The following GSK3B variants were observed in gnomAD, a reference collection of about 807,000 sequenced individuals.
The protein encoded by GSK3B is glycogen synthase kinase 3 beta.
In GSK3B, 15 loss-of-function variants were observed where a neutral mutation model predicts 56.4. The observed-to-expected ratio is 0.27, with a 90% CI of 0.18 to 0.41. The LOEUF (loss-of-function observed/expected upper bound fraction) is 0.41, where lower values mean the gene tolerates loss of function less well. Ranked by LOEUF, GSK3B falls within the 10% of genes least tolerant of loss-of-function variation. The probability of loss-of-function intolerance (pLI) is 1.00; values close to 1 mark genes in which losing one functional copy is unlikely to be tolerated. For missense variants in GSK3B, 300 were observed against 513.4 expected (o/e 0.58, Z 4.02); for synonymous variants, 181 against 188.9 (o/e 0.96, Z 0.34).
At chr3:119,916,874 T>C (rs2056786272) in intron 4 of GSK3B, among the ~76,000 whole-genome samples, 1 of 152,202 alleles carries the variant, frequency 6.6e-6, no homozygotes, top group Admixed American at 6.5e-5. Context: ...AAGAGAAGAC[T>C]TTCTCAGTTT....
chr3:120,015,466 T>C (rs952057821), intron 1 of GSK3B, among the ~76,000 whole-genome samples: 2 of 151,398 alleles, frequency 1.3e-5, no homozygotes, highest in African/African-American at 4.9e-5. Flanking sequence ...CTGGCCAACA[T>C]GGTGAAACCC....
At chr3:119,899,028 T>C (rs2056600265) in intron 7 of GSK3B, among the ~76,000 whole-genome samples, 1 of 152,140 alleles carries the variant, frequency 6.6e-6, no homozygotes, top group East Asian at 1.9e-4. Context: ...CTACTAATGA[T>C]CTTCTGACTG....
At chr3:119,866,432 C>A (rs1338819835) in intron 8 of GSK3B, among the ~76,000 whole-genome samples, 1 of 152,068 alleles carries the variant, frequency 6.6e-6, no homozygotes, top group Non-Finnish European at 1.5e-5. Context: ...ATAAGTGAAA[C>A]CTATGCCATA....
chr3:119,893,054 T>C (rs991917752), intron 7 of GSK3B, among the ~76,000 whole-genome samples: 5 of 152,096 alleles, frequency 3.3e-5, no homozygotes, highest in African/African-American at 1.2e-4. Flanking sequence ...GTCAGCCTGG[T>C]TGGTGTGCGG....
chr3:119,859,320 T>TA (rs1161130899), intron 9 of GSK3B, among the ~76,000 whole-genome samples: 1 of 152,178 alleles, frequency 6.6e-6, no homozygotes, highest in Non-Finnish European at 1.5e-5. Context: ...TAAGGCAACT[T>TA]AGAAGAAAAT....
chr3:120,082,848 C>T (rs2058432906), intron 1 of GSK3B, among the ~76,000 whole-genome samples: 1 of 151,998 alleles, frequency 6.6e-6, no homozygotes, highest in African/African-American at 2.4e-5. Flanking sequence ...AAATATATTA[C>T]TAGAATTAAT....
At chr3:119,854,028 G>C (rs2055980160) in intron 9 of GSK3B, among the ~76,000 whole-genome samples, 1 of 151,670 alleles carries the variant, frequency 6.6e-6, no homozygotes, top group Non-Finnish European at 1.5e-5. Context: ...TCCAGTTTTT[G>C]CCCATTCAGT....
intron 1 of GSK3B, among the ~76,000 whole-genome samples, chr3:120,079,448 G>A (rs1247996251): frequency 1.3e-5 from 2 of 151,416 alleles, no homozygotes; most frequent in Non-Finnish European, 2.9e-5. Context: ...AGGCTGGAGC[G>A]CAGTAGTGCA....
rs191853414 is a variant in GSK3B, at chr3:119,863,674, A to G, written c.910-69T>C. 5.3e-6 allele frequency: 5 copies of G among 937,028 alleles called. No homozygotes were observed. In the Admixed American group the frequency reaches 6.6e-5, roughly 12 times the overall value. 58.0% of individuals were successfully genotyped at this position (937,028 alleles called of 1,614,324 possible). A position where few individuals can be genotyped will look rare whatever the true frequency, so the allele number is the denominator to read the frequency against. On this transcript the variant is annotated intron_variant, in intron 8 of 10. Coordinates refer to ENST00000264235, the MANE Select transcript of GSK3B (RefSeq NM_001146156.2). Reference sequence around the variant, plus strand: ...AAGAATCTAAGCAAATACCCTGTGAATAATGACTTAATTCCCACCATGTAC... The same window carrying G: ...AAGAATCTAAGCAAATACCCTGTGAGTAATGACTTAATTCCCACCATGTAC...
At position 119,822,964 on chromosome 3, in the gene GSK3B, CT is replaced by C; in HGVS notation, c.*3823del. 4.4e-6 allele frequency: 1 copy of C among 229,498 alleles called. No individual in the cohort carries two copies. The highest frequency in any genetic ancestry group is 8.6e-6 in the Non-Finnish European group (1 of 115,748). 14.2% of individuals were successfully genotyped at this position (229,498 alleles called of 1,614,324 possible). A position where few individuals can be genotyped will look rare whatever the true frequency, so the allele number is the denominator to read the frequency against. On this transcript the variant is annotated 3_prime_UTR_variant, in exon 11 of 11. Coordinates refer to ENST00000264235, the MANE Select transcript of GSK3B (RefSeq NM_001146156.2). ...GATAGAGAATACTCCTCTCAGAAAC[CT>C]TTGCATTGGTGCAGACAAGATGACT...
intron 2 of GSK3B, among the ~76,000 whole-genome samples, chr3:119,980,002 G>C (rs79090463): frequency 0.026 from 3,938 of 151,598 alleles, 176 homozygotes; most frequent in African/African-American, 0.089. Flanking sequence ...AAAAAAAAAC[G>C]TTATAGCTAC....
rs34002644 is a variant in GSK3B, at chr3:120,002,133, T to A, written c.195A>T (p.Gly65=). The A allele has an allele frequency of 0.012, 19,667 of 1,612,362 alleles. 1,708 individuals carry two copies. In the African/African-American group the frequency reaches 0.21, roughly 17 times the overall value. The change falls in exon 2 of 11, where the codon GGA becomes GGT. Residue 65 remains glycine, a synonymous_variant. Coordinates refer to ENST00000264235, the MANE Select transcript of GSK3B (RefSeq NM_001146156.2). ...SYTDTKVIGN[G]SFGVVYQAKL... is the part of the protein sequence containing the mutation. ...TGGCTTGATATACCACACCAAATGA[T>A]CCATTTCCAATCACTTTAGTGTCTG...
At chr3:120,043,382 C>T (rs2107533997) in intron 1 of GSK3B, among the ~76,000 whole-genome samples, 1 of 152,266 alleles carries the variant, frequency 6.6e-6, no homozygotes, top group South Asian at 2.1e-4. Flanking sequence ...TATTGATGAC[C>T]ACCTTGTTAT....
chr3:120,039,648 T>C (rs2058049827), intron 1 of GSK3B, among the ~76,000 whole-genome samples: 1 of 152,172 alleles, frequency 6.6e-6, no homozygotes, highest in Admixed American at 6.5e-5. Context: ...CCTTTTCTTA[T>C]TTGGAAAAAA....
At chr3:119,883,445 T>TA (rs3061104) in intron 7 of GSK3B, among the ~76,000 whole-genome samples, 2 of 151,856 alleles carry the variant, frequency 1.3e-5, no homozygotes, top group Admixed American at 6.6e-5. Context: ...AAAAAATTAT[T>TA]AAAAAAAAGA....
chr3:120,085,689 C>T (rs1340530624), intron 1 of GSK3B, among the ~76,000 whole-genome samples: 1 of 152,138 alleles, frequency 6.6e-6, no homozygotes, highest in East Asian at 1.9e-4. Flanking sequence ...GTAATCCCAG[C>T]TACTCAGGAG....
At chr3:119,910,417 G>A (rs1018729906) in intron 6 of GSK3B, among the ~76,000 whole-genome samples, 1 of 152,058 alleles carries the variant, frequency 6.6e-6, no homozygotes, top group African/African-American at 2.4e-5. Flanking sequence ...TCTATTACTT[G>A]TATAATAGAA....
intron 1 of GSK3B, among the ~76,000 whole-genome samples, chr3:120,042,774 C>T (rs1559888367): frequency 6.6e-6 from 1 of 152,140 alleles, no homozygotes; most frequent in South Asian, 2.1e-4. Flanking sequence ...CTCCTTGGCA[C>T]CCACCGTCAT....
chr3:119,936,002 G>A (rs1472624911), intron 3 of GSK3B, among the ~76,000 whole-genome samples: 1 of 151,956 alleles, frequency 6.6e-6, no homozygotes, highest in African/African-American at 2.4e-5. Flanking sequence ...ATAATCAATA[G>A]AGAAAAAGCA....
Sources: gnomAD v4.1 joint callset for allele counts (sites outside exome capture counted in the v4.1 genomes callset) on GRCh38, gnomAD v4.1.1 for gene constraint, MANE v1.5 for transcripts, NCBI Gene and HGNC (gene_info 2026-07-23, HGNC 2026-07-21) for gene names.